SSBP4: variants seen among roughly 807,000 people sequenced by gnomAD.
SSBP4 encodes the protein single-stranded DNA-binding protein 4.
In SSBP4, 33 loss-of-function variants were observed where a neutral mutation model predicts 64.6. That is an observed-to-expected ratio of 0.51 (90% CI 0.39 to 0.68). The LOEUF (loss-of-function observed/expected upper bound fraction) is 0.68. Among genes scored for constraint, SSBP4 ranks in the 30% least tolerant of loss-of-function variants. The pLI is 0.00. For synonymous variants in SSBP4, 243 were observed against 224.0 expected, an observed-to-expected ratio of 1.08 and a Z score of -0.76; for missense variants, 583 against 566.8, an observed-to-expected ratio of 1.03 and a Z score of -0.29.
chr19:18,434,439 G>A lies in SSBP4; in HGVS notation c.*193G>A. On this transcript the variant is annotated 3_prime_UTR_variant, in exon 18 of 18. Coordinates refer to ENST00000270061, the MANE Select transcript of SSBP4 (RefSeq NM_032627.5). ...AAGGACCTCAGAGACGTTCTTTTCT[G>A]TATGGACCCTTCCTGCCATTTGTAT... 1.9e-6 allele frequency: 2 copies of A among 1,077,162 alleles called. No individual in the cohort carries two copies. The highest frequency in any genetic ancestry group is 2.5e-6 in the Non-Finnish European group (2 of 801,638). 66.7% of individuals were successfully genotyped at this position (1,077,162 alleles called of 1,614,324 possible).
intron 1 of SSBP4, among the ~76,000 whole-genome samples, chr19:18,420,862 A>G (rs759691992): frequency 6.6e-6 from 1 of 150,396 alleles, no homozygotes; most frequent in African/African-American, 2.5e-5. Context: ...AAAAAAAAAA[A>G]CAAAAAACAA....
chr19:18,407,513 T>C, the SSBP4 span, among the ~76,000 whole-genome samples: 1 of 151,600 alleles, frequency 6.6e-6, no homozygotes, highest in African/African-American at 2.4e-5. Context: ...GCCCCCCGGG[T>C]TCACGCCATT....
chr19:18,408,407 G>C, the SSBP4 span, among the ~76,000 whole-genome samples: 1 of 151,926 alleles, frequency 6.6e-6, no homozygotes. Context: ...TTCCCTTCCT[G>C]CCTCTTTAAC....
At position 18,419,404 on chromosome 19, in the gene SSBP4, C is replaced by T; in HGVS notation, c.-245C>T. The T allele has an allele frequency of 9.7e-7, 1 of 1,035,082 alleles. No homozygotes were observed. The highest frequency in any genetic ancestry group is 4.6e-4 in the Middle Eastern group (1 of 2,174). The allele number at this position is 1,035,082 out of a possible 1,614,324, so 64.1% of individuals were successfully genotyped here. On this transcript the variant is annotated 5_prime_UTR_variant, in exon 1 of 18. Transcript: ENST00000270061. Reference sequence around the variant, plus strand: ...CGGGAGGAGGGGAGCGCGCGTTTCCCGGAACAGCCCGCGCGGAGGAAAGGG... The same window carrying T: ...CGGGAGGAGGGGAGCGCGCGTTTCCTGGAACAGCCCGCGCGGAGGAAAGGG...
At chr19:18,431,441 C>T (rs771763234) in intron 6 of SSBP4, 23 bp downstream of exon 6, 9 of 1,415,016 alleles carry the variant, frequency 6.4e-6, no homozygotes, top group Non-Finnish European at 7.8e-6. Flanking sequence ...GGTGCCTGCC[C>T]CTCACACACA....
rs750824756 is a variant in SSBP4 at position 18,430,905 on chromosome 19, G to T, written c.344G>T (p.Gly115Val). 2 of 1,613,128 alleles carry T rather than the reference G, an allele frequency of 1.2e-6. No homozygotes were observed. Among genetic ancestry groups the T allele is most frequent in the South Asian group, 2.2e-5 (2 of 91,072 alleles). ...SMAPGDTMAA[G>V]SMAAGFFQGP... Reference sequence around the variant, plus strand: ...GCCCCAGGTGACACAATGGCCGCAGGCTCCATGGCGGCTGGCTTCTTCCAG... The same window carrying T: ...GCCCCAGGTGACACAATGGCCGCAGTCTCCATGGCGGCTGGCTTCTTCCAG... The change falls in exon 5 of 18, where the codon GGC becomes GTC. Residue 115 changes from glycine to valine, a missense_variant. Physicochemically the swap from Gly to Val is moderately radical, Grantham distance 109. This residue lies in a region of SSBP4 where 444 missense variants were observed against 386.6 expected (regional missense o/e 1.15). Coordinates refer to ENST00000270061, the MANE Select transcript of SSBP4 (RefSeq NM_032627.5).
upstream of SSBP4, among the ~76,000 whole-genome samples, chr19:18,418,331 T>C (rs1157284715): frequency 7.9e-5 from 12 of 152,248 alleles, no homozygotes; most frequent in Admixed American, 7.2e-4. The surrounding 1 kb of genome is among the most constrained non-coding windows in gnomAD (Gnocchi z 6.7). Flanking sequence ...TCCCCTACCC[T>C]GCCCATCCAC....
At chr19:18,425,376 C>T (rs1479247519) in intron 1 of SSBP4, among the ~76,000 whole-genome samples, 1 of 152,156 alleles carries the variant, frequency 6.6e-6, no homozygotes, top group African/African-American at 2.4e-5. Flanking sequence ...CTGCTCTGAC[C>T]CCTAAGTGGC....
Position 18,427,600 on chromosome 19 carries a change from C to A in SSBP4, c.133-152C>A. On this transcript the variant is annotated intron_variant, in intron 2 of 17. Coordinates refer to ENST00000270061, the MANE Select transcript of SSBP4 (RefSeq NM_032627.5). The surrounding 1 kb of genome is among the most constrained non-coding windows in gnomAD (Gnocchi z 4.4). ...CCAGGCATCTGGTCCACATGCCCAG[C>A]CGGGACCTGCCACACATCCTGGGGC... The A allele has an allele frequency of 8.6e-7, 1 of 1,167,174 alleles. No individual in the cohort carries two copies. The highest frequency in any genetic ancestry group is 1.2e-6 in the Non-Finnish European group (1 of 844,340). 72.3% of individuals were successfully genotyped at this position (1,167,174 alleles called of 1,614,324 possible).
At chr19:18,425,305 C>T (rs555651235) in intron 1 of SSBP4, among the ~76,000 whole-genome samples, 1 of 152,268 alleles carries the variant, frequency 6.6e-6, no homozygotes, top group African/African-American at 2.4e-5. Flanking sequence ...CCCGCCCTCC[C>T]GGGGCCGCTC....
chr19:18,427,954 C>G lies in SSBP4; in HGVS notation c.251C>G (p.Ser84Cys), dbSNP rs1395651925. The change falls in exon 4 of 18, where the codon TCC becomes TGC. Residue 84 changes from serine to cysteine, a missense_variant. Around this residue, in one of 5 missense-constraint regions of SSBP4, gnomAD observed 444 missense variants for 386.6 expected, o/e 1.15. Coordinates refer to ENST00000270061, the MANE Select transcript of SSBP4 (RefSeq NM_032627.5). The surrounding 1 kb of genome is among the most constrained non-coding windows in gnomAD (Gnocchi z 4.4). Reference protein sequence around the residue: ...APDRREACEHSGEAKAFQDYS... With the variant: ...APDRREACEHCGEAKAFQDYS... ...GACAGAAGAGAGGCCTGCGAGCACT[C>G]CGGCGAGGCCAAGGCCTTCCAGGAC... 2 of 1,613,132 alleles carry G rather than the reference C, an allele frequency of 1.2e-6. No individual in the cohort carries two copies. Among genetic ancestry groups the G allele is most frequent in the Non-Finnish European group, 1.7e-6 (2 of 1,179,808 alleles).
At chr19:18,413,207 G>A in the SSBP4 span, among the ~76,000 whole-genome samples, 3 of 145,998 alleles carry the variant, frequency 2.1e-5, no homozygotes, top group Admixed American at 7.0e-5. Flanking sequence ...GGGGAGGGAC[G>A]ACGAACGTGA....
In SSBP4 at chr19:18,419,727, CG is replaced by C; in HGVS notation, c.59+24del. On this transcript the variant is annotated intron_variant, in intron 1 of 17. Transcript: ENST00000270061. ...CGAGAAGTGAGTGCGGGGCCGGGGG[CG>C]GGGCTCGGCGTCCGCGCTCTTCCGT... 1 of 1,140,878 alleles carries C rather than the reference CG, an allele frequency of 8.8e-7. No individual in the cohort carries two copies. The allele number at this position is 1,140,878 out of a possible 1,614,324, so 70.7% of individuals were successfully genotyped here.
Position 18,419,504 on chromosome 19 carries a change from C to G in SSBP4, c.-145C>G. 1.8e-6 allele frequency: 2 copies of G among 1,104,494 alleles called. No homozygotes were observed. Among genetic ancestry groups the G allele is most frequent in the Non-Finnish European group, 2.2e-6 (2 of 906,104 alleles). 68.4% of individuals were successfully genotyped at this position (1,104,494 alleles called of 1,614,324 possible). A position where few individuals can be genotyped will look rare whatever the true frequency, so the allele number is the denominator to read the frequency against. On this transcript the variant is annotated 5_prime_UTR_variant, in exon 1 of 18. Transcript: ENST00000270061. ...CCGCCGCCGCCGCGGCCGTCTGGAG[C>G]TCCCCCGCGCGGACGATGCCTGCCG...
chr19:18,434,152 G>A (rs1973805992), intron 17 of SSBP4, 65 bp from the exon 18 acceptor site: 1 of 1,603,954 alleles, frequency 6.2e-7, no homozygotes, highest in Non-Finnish European at 8.5e-7. Context: ...GTCCCTGGGG[G>A]CGGGTCCCAG....
chr19:18,428,381 G>A (rs996064640), intron 4 of SSBP4, among the ~76,000 whole-genome samples: 3 of 152,170 alleles, frequency 2.0e-5, no homozygotes, highest in South Asian at 2.1e-4. Flanking sequence ...TCCTCTGAGC[G>A]GGGAGCACAG....
In SSBP4 at chr19:18,432,738, AAGT is replaced by A. The variant is rs773521517; in HGVS notation, c.786+4_786+6del. On this transcript the variant is annotated splice_donor_5th_base_variant and intron_variant, in intron 12 of 17. Transcript: ENST00000270061. ...CCTCATCCCCCGGCAGCTACACCGT[AAGT>A]CTGAGCAAAGCTGGGTCACCCCTGG... The A allele has an allele frequency of 1.2e-6, 2 of 1,602,544 alleles. No individual in the cohort carries two copies. The highest frequency in any genetic ancestry group is 1.7e-5 in the Admixed American group (1 of 59,592).
chr19:18,417,138 C>T (rs912286810), upstream of SSBP4, among the ~76,000 whole-genome samples: 2 of 151,876 alleles, frequency 1.3e-5, no homozygotes, highest in Non-Finnish European at 2.9e-5. This position sits in a 1 kb window ranked among gnomAD's most constrained non-coding sequence, Gnocchi z 5.4. Context: ...CCCGTCCTGT[C>T]ACCAGGGGTC....
intron 17 of SSBP4, 186 bp downstream of exon 17, chr19:18,434,003 A>G (rs1233784338): frequency 2.8e-6 from 3 of 1,085,972 alleles, no homozygotes; most frequent in Non-Finnish European, 3.3e-6. Context: ...TCCCGCTCCT[A>G]TTTCACCGTC....
Sources: allele counts gnomAD v4.1 joint callset (sites outside exome capture counted in the v4.1 genomes callset), GRCh38; gene constraint gnomAD v4.1.1; regional missense constraint gnomAD v4.1.1; non-coding constraint Gnocchi (gnomAD v3.1); transcripts MANE v1.5; gene names NCBI Gene and HGNC (gene_info 2026-07-23, HGNC 2026-07-21).